The following ZNF281 variants were observed in gnomAD, a reference collection of about 807,000 sequenced individuals.
ZNF281 encodes the protein GC-box-binding zinc finger protein 1.
A neutral mutation model predicts 58.8 loss-of-function variants in ZNF281; 2 were observed. That is an observed-to-expected ratio of 0.03 (90% confidence interval 0.01 to 0.11). The LOEUF (loss-of-function observed/expected upper bound fraction) is 0.11, where lower values mean the gene tolerates loss of function less well. Among genes scored for constraint, ZNF281 ranks in the 10% least tolerant of loss-of-function variants. The pLI, the probability that ZNF281 is intolerant of heterozygous loss-of-function variation, is 1.00. For synonymous variants in ZNF281, 465 were observed against 407.7 expected (o/e 1.14, Z -1.69); for missense variants, 975 against 1,090.7 (o/e 0.89, Z 1.49).
Position 200,407,602 on chromosome 1 carries a change from G to A in ZNF281, c.2104C>T (p.His702Tyr). The stretch of plus-strand genomic sequence containing the variant: ...ATTTGTTTTTCTGGAAACAAAGTGT[G>A]GTTGTGGAGAGGTGAAGACAAACTG... ...FVSLSSPLHNHTLFPEKQIYT... is the reference protein window; with the variant it reads ...FVSLSSPLHNYTLFPEKQIYT... Residue 702 changes from histidine to tyrosine, a missense_variant, in exon 2 of 2, where the codon CAC becomes TAC. By Grantham distance (83) the His-to-Tyr change is moderately conservative. Transcript: ENST00000367353. 1 of 1,614,232 alleles carries A rather than the reference G, an allele frequency of 6.2e-7. No homozygotes were observed. Among genetic ancestry groups the A allele is most frequent in the South Asian group, 1.1e-5 (1 of 91,084 alleles).
chr1:200,405,549 A>C lies in ZNF281; in HGVS notation c.*1469T>G, dbSNP rs1654426374. 6.6e-6 allele frequency: 1 copy of C among 152,226 alleles called. No individual in the cohort carries two copies. The highest frequency in any genetic ancestry group is 6.5e-5 in the Admixed American group (1 of 15,288). The allele number at this position is 152,226 out of a possible 1,614,324, so 9.4% of individuals were successfully genotyped here. ...AGCATAAACATCAAAGTACATTAAA[A>C]AATATAATCAGGAAAAAAATACAAT... On this transcript the variant is annotated 3_prime_UTR_variant, in exon 2 of 2. Coordinates refer to ENST00000367353, the MANE Select transcript of ZNF281 (RefSeq NM_001281293.2).
In ZNF281 at chr1:200,407,596, A is replaced by T. The variant is rs1654488759; in HGVS notation, c.2110T>A (p.Leu704Met). 2 of 1,614,102 alleles carry T rather than the reference A, an allele frequency of 1.2e-6. No homozygotes were observed. Among genetic ancestry groups the T allele is most frequent in the South Asian group, 2.2e-5 (2 of 91,086 alleles). Reference sequence around the variant, plus strand: ...GTGTATATTTGTTTTTCTGGAAACAAAGTGTGGTTGTGGAGAGGTGAAGAC... The same window carrying T: ...GTGTATATTTGTTTTTCTGGAAACATAGTGTGGTTGTGGAGAGGTGAAGAC... ...SLSSPLHNHT[L>M]FPEKQIYTTS... is the part of the protein sequence containing the mutation. Residue 704 changes from leucine (L) to methionine (M), a missense_variant, in exon 2 of 2, where the codon TTG becomes ATG. Physicochemically the swap from Leu to Met is conservative, Grantham distance 15. Around this residue, in one of 3 missense-constraint regions of ZNF281, gnomAD observed 579 missense variants for 608.9 expected, o/e 0.95. Coordinates refer to ENST00000367353, the MANE Select transcript of ZNF281 (RefSeq NM_001281293.2).
rs757374249 is a variant in ZNF281, at chr1:200,407,092, T to C, written c.2614A>G (p.Thr872Ala). The C allele has an allele frequency of 2.5e-6, 4 of 1,614,184 alleles. No individual in the cohort carries two copies. Among genetic ancestry groups the C allele is most frequent in the Non-Finnish European group, 3.4e-6 (4 of 1,180,030 alleles). Residue 872 changes from threonine to alanine, a missense_variant, in exon 2 of 2, where the codon ACA becomes GCA. Around this residue, in one of 3 missense-constraint regions of ZNF281, gnomAD observed 579 missense variants for 608.9 expected, o/e 0.95. Transcript: ENST00000367353. ...RTSVSDFSGY[T>A]NMMSDVSEPC... Reference sequence around the variant, plus strand: ...TCACTTACATCAGACATCATATTTGTATACCCTGAGAAATCTGACACTGAA... The same window carrying C: ...TCACTTACATCAGACATCATATTTGCATACCCTGAGAAATCTGACACTGAA...
In ZNF281 at chr1:200,408,180, T is replaced by G. The variant is rs777947741; in HGVS notation, c.1526A>C (p.Asn509Thr). The change falls in exon 2 of 2, where the codon AAT (asparagine) becomes ACT (threonine). Residue 509 changes from asparagine (N) to threonine (T), a missense_variant. Asn to Thr is a moderately conservative substitution (Grantham distance 65, BLOSUM62 0). This residue lies in a region of ZNF281 where 579 missense variants were observed against 608.9 expected (regional missense o/e 0.95). Coordinates refer to ENST00000367353, the MANE Select transcript of ZNF281 (RefSeq NM_001281293.2). ...PSGSLGIVSN[N>T]SVETIGLLQS... ...GAGAAGACCAATGGTCTCCACACTA[T>G]TATTTGATACTATGCCAAGTGAGCC... 2 of 1,613,966 alleles carry G rather than the reference T, an allele frequency of 1.2e-6. No individual in the cohort carries two copies. The highest frequency in any genetic ancestry group is 1.7e-6 in the Non-Finnish European group (2 of 1,180,036).
Position 200,407,727 on chromosome 1 carries a change from T to C in ZNF281, c.1979A>G (p.Asp660Gly), listed in dbSNP as rs1654492269. The C allele has an allele frequency of 1.9e-6, 3 of 1,614,200 alleles. No individual in the cohort carries two copies. The highest frequency in any genetic ancestry group is 1.1e-5 in the South Asian group (1 of 91,088). Residue 660 changes from aspartate (D) to glycine (G), a missense_variant, in exon 2 of 2, where the codon GAT becomes GGT. By Grantham distance (94) the Asp-to-Gly change is moderately conservative (BLOSUM62 -1). Transcript: ENST00000367353. ...LSPGTQTPSN[D>G]KASMLQEYSK... ...GTATTCTTGCAACATACTTGCTTTA[T>C]CATTTGAAGGTGTTTGGGTGCCTGG...
chr1:200,409,603 T>TGCG lies in ZNF281; in HGVS notation c.102_103insCGC (p.Gly34_Ser35insArg). The TGCG allele has an allele frequency of 6.5e-7, 1 of 1,548,058 alleles. No homozygotes were observed. The highest frequency in any genetic ancestry group is 8.7e-7 in the Non-Finnish European group (1 of 1,146,596). On this transcript the variant is annotated inframe_insertion, in exon 2 of 2. Coordinates refer to ENST00000367353, the MANE Select transcript of ZNF281 (RefSeq NM_001281293.2). Reference sequence around the variant, plus strand: ...TCCATCTCTGCCCTCCTGCCGCTGCTGCCGCCGCCGCCGCCGCCGCCACTA... The same window carrying TGCG: ...TCCATCTCTGCCCTCCTGCCGCTGCTGCGGCCGCCGCCGCCGCCGCCGCCACTA...
Position 200,405,727 on chromosome 1 carries a change from A to G in ZNF281, c.*1291T>C, listed in dbSNP as rs1654430463. On this transcript the variant is annotated 3_prime_UTR_variant, in exon 2 of 2. Coordinates refer to ENST00000367353, the MANE Select transcript of ZNF281 (RefSeq NM_001281293.2). ...TGTACATTAAAGGCCGCAATTTCACAAAGAGGTTCTGATGTTATTACTATA... is the reference window on the plus strand; with the variant it reads ...TGTACATTAAAGGCCGCAATTTCACGAAGAGGTTCTGATGTTATTACTATA... 1 of 152,216 alleles carries G rather than the reference A, an allele frequency of 6.6e-6. No homozygotes were observed. Among genetic ancestry groups the G allele is most frequent in the African/African-American group, 2.4e-5 (1 of 41,460 alleles). 9.4% of individuals were successfully genotyped at this position (152,216 alleles called of 1,614,324 possible). A position where few individuals can be genotyped will look rare whatever the true frequency, so the allele number is the denominator to read the frequency against.
rs1211040911 is a variant in ZNF281 at position 200,405,583 on chromosome 1, A to G, written c.*1435T>C. 6.6e-6 allele frequency: 1 copy of G among 152,228 alleles called. No individual in the cohort carries two copies. Among genetic ancestry groups the G allele is most frequent in the Admixed American group, 6.5e-5 (1 of 15,290 alleles). 9.4% of individuals were successfully genotyped at this position (152,228 alleles called of 1,614,324 possible). A position where few individuals can be genotyped will look rare whatever the true frequency, so the allele number is the denominator to read the frequency against. ...CAGGAAAAAAATACAATTGCTAAAA[A>G]GCAGTTTTAGAGTAGAGCCACTGCC... On this transcript the variant is annotated 3_prime_UTR_variant, in exon 2 of 2. Transcript: ENST00000367353.
At position 200,409,332 on chromosome 1, in the gene ZNF281, A is replaced by G; in HGVS notation, c.374T>C (p.Val125Ala). Residue 125 changes from valine to alanine, a missense_variant, in exon 2 of 2, where the codon GTT becomes GCT. By Grantham distance (64) the Val-to-Ala change is moderately conservative. Around this residue, in one of 3 missense-constraint regions of ZNF281, gnomAD observed 370 missense variants for 360.9 expected, o/e 1.03. Transcript: ENST00000367353. ...RTSWGFLQSLVSIKQEKPADP... is the reference protein window; with the variant it reads ...RTSWGFLQSLASIKQEKPADP... ...CGCGGGTTTCTCCTGTTTGATGCTA[A>G]CCAAAGACTGCAAGAACCCCCAGGA... The G allele has an allele frequency of 1.3e-6, 2 of 1,576,290 alleles. No individual in the cohort carries two copies. Among genetic ancestry groups the G allele is most frequent in the Non-Finnish European group, 1.7e-6 (2 of 1,160,134 alleles).
chr1:200,408,345 C>G lies in ZNF281; in HGVS notation c.1361G>C (p.Gly454Ala). 1 of 1,613,826 alleles carries G rather than the reference C, an allele frequency of 6.2e-7. No homozygotes were observed. Among genetic ancestry groups the G allele is most frequent in the Non-Finnish European group, 8.5e-7 (1 of 1,180,016 alleles). ...VSSSGGIIGT[G>A]IDELQKRVPK... ...CACCCTCTTCTGCAGTTCATCTATT[C>G]CAGTGCCAATTATGCCTCCACTGGA... Residue 454 changes from glycine to alanine, a missense_variant, in exon 2 of 2, where the codon GGA becomes GCA. Physicochemically the swap from Gly to Ala is moderately conservative, Grantham distance 60. Transcript: ENST00000367353.
Position 200,406,825 on chromosome 1 carries a change from T to C in ZNF281, c.*193A>G. On this transcript the variant is annotated 3_prime_UTR_variant, in exon 2 of 2. Coordinates refer to ENST00000367353, the MANE Select transcript of ZNF281 (RefSeq NM_001281293.2). The stretch of plus-strand genomic sequence containing the variant: ...TGAATGTCAAACTATTTTTAATCTA[T>C]TGATTTTGATTAAAAATCATAATAC... 4.0e-6 allele frequency: 2 copies of C among 501,848 alleles called. No individual in the cohort carries two copies. Among genetic ancestry groups the C allele is most frequent in the Non-Finnish European group, 6.7e-6 (2 of 296,694 alleles). 31.1% of individuals were successfully genotyped at this position (501,848 alleles called of 1,614,324 possible). A position where few individuals can be genotyped will look rare whatever the true frequency, so the allele number is the denominator to read the frequency against.
At position 200,407,011 on chromosome 1, in the gene ZNF281, T is replaced by C. The variant is rs1425199419; in HGVS notation, c.*7A>G. 6.2e-7 allele frequency: 1 copy of C among 1,600,712 alleles called. No homozygotes were observed. The highest frequency in any genetic ancestry group is 8.5e-7 in the Non-Finnish European group (1 of 1,173,928). On this transcript the variant is annotated 3_prime_UTR_variant, in exon 2 of 2. Coordinates refer to ENST00000367353, the MANE Select transcript of ZNF281 (RefSeq NM_001281293.2). ...AGAAGACCTCCAGCCTGGCCACTTT[T>C]GGGACCTTACCTGTAACTCTGGCTG...
In ZNF281 at chr1:200,408,348, G is replaced by A. The variant is rs771896517; in HGVS notation, c.1358C>T (p.Thr453Ile). 1 of 1,613,814 alleles carries A rather than the reference G, an allele frequency of 6.2e-7. No individual in the cohort carries two copies. The change falls in exon 2 of 2, where the codon ACT becomes ATT. Residue 453 changes from threonine to isoleucine, a missense_variant. By Grantham distance (89) the Thr-to-Ile change is moderately conservative. Transcript: ENST00000367353. Reference sequence around the variant, plus strand: ...CCTCTTCTGCAGTTCATCTATTCCAGTGCCAATTATGCCTCCACTGGAAGA... The same window carrying A: ...CCTCTTCTGCAGTTCATCTATTCCAATGCCAATTATGCCTCCACTGGAAGA... The part of the protein sequence containing the change: ...TVSSSGGIIG[T>I]GIDELQKRVP...
In ZNF281 at chr1:200,407,111, C is replaced by G. The variant is rs113285043; in HGVS notation, c.2595G>C (p.Val865=). The change falls in exon 2 of 2, where the codon GTG becomes GTC. Residue 865 remains valine (V), a synonymous_variant. Transcript: ENST00000367353. ...GEVDHRVRTS[V]SDFSGYTNMM... ...TATTTGTATACCCTGAGAAATCTGACACTGAAGTCCTTACTCTATGGTCCA... is the reference window on the plus strand; with the variant it reads ...TATTTGTATACCCTGAGAAATCTGAGACTGAAGTCCTTACTCTATGGTCCA... 1,415 of 1,614,156 alleles carry G rather than the reference C, an allele frequency of 8.8e-4. 13 individuals are homozygous for G. The African/African-American group carries it at 0.016, about 18-fold the overall frequency.
At position 200,405,332 on chromosome 1, in the gene ZNF281, T is replaced by C. The variant is rs1654421406; in HGVS notation, c.*1686A>G. Reference sequence around the variant, plus strand: ...TAATACTTTGTAACCATTTTTAATATTTCTTATTTTCCAAACACTGCTTTT... The same window carrying C: ...TAATACTTTGTAACCATTTTTAATACTTCTTATTTTCCAAACACTGCTTTT... On this transcript the variant is annotated 3_prime_UTR_variant, in exon 2 of 2. Coordinates refer to ENST00000367353, the MANE Select transcript of ZNF281 (RefSeq NM_001281293.2). 1 of 152,228 alleles carries C rather than the reference T, an allele frequency of 6.6e-6. No individual in the cohort carries two copies. The highest frequency in any genetic ancestry group is 2.1e-4 in the South Asian group (1 of 4,836). 9.4% of individuals were successfully genotyped at this position (152,228 alleles called of 1,614,324 possible).
Position 200,407,481 on chromosome 1 carries a change from C to T in ZNF281, c.2225G>A (p.Gly742Glu). The part of the protein sequence containing the change: ...LPKPPFGMLF[G>E]SQPGLYLSAL... ...AGACAAATAAAGACCTGGCTGAGAT[C>T]CAAACAACATCCCAAAAGGAGGCTT... Residue 742 changes from glycine to glutamate, a missense_variant, in exon 2 of 2, where the codon GGA (glycine) becomes GAA (glutamate). By Grantham distance (98) the Gly-to-Glu change is moderately conservative (BLOSUM62 -2). Coordinates refer to ENST00000367353, the MANE Select transcript of ZNF281 (RefSeq NM_001281293.2). 5 of 1,614,130 alleles carry T rather than the reference C, an allele frequency of 3.1e-6. No homozygotes were observed. Among genetic ancestry groups the T allele is most frequent in the Non-Finnish European group, 4.2e-6 (5 of 1,180,032 alleles).
chr1:200,409,655 G>A lies in ZNF281; in HGVS notation c.51C>T (p.Ser17=). Residue 17 remains serine (S), a synonymous_variant, in exon 2 of 2, where the codon AGC becomes AGT. Transcript: ENST00000367353. ...CACCGCCGCCGGAGCCGCTACCACCGCTACTGCCGGTACCTCCGCCGCCAC... is the reference window on the plus strand; with the variant it reads ...CACCGCCGCCGGAGCCGCTACCACCACTACTGCCGGTACCTCCGCCGCCAC... The part of the protein sequence containing the change: ...FLSGGGGTGS[S]GGSGSGGGGS... The A allele has an allele frequency of 3.2e-6, 5 of 1,555,156 alleles. No homozygotes were observed. Among genetic ancestry groups the A allele is most frequent in the Non-Finnish European group, 4.3e-6 (5 of 1,152,746 alleles).
At position 200,409,572 on chromosome 1, in the gene ZNF281, G is replaced by T; in HGVS notation, c.134C>A (p.Thr45Asn). 6.5e-7 allele frequency: 1 copy of T among 1,549,590 alleles called. No homozygotes were observed. Among genetic ancestry groups the T allele is most frequent in the South Asian group, 1.2e-5 (1 of 84,046 alleles). ...SSGRRAEMEPTFPQGMVMFNH... is the reference protein window; with the variant it reads ...SSGRRAEMEPNFPQGMVMFNH... ...GAACATAACCATACCCTGGGGAAAG[G>T]TGGGTTCCATCTCTGCCCTCCTGCC... The change falls in exon 2 of 2, where the codon ACC becomes AAC. Residue 45 changes from threonine to asparagine, a missense_variant. Physicochemically the swap from Thr to Asn is moderately conservative, Grantham distance 65 (BLOSUM62 0). Transcript: ENST00000367353.
chr1:200,409,613 G>A lies in ZNF281; in HGVS notation c.93C>T (p.Gly31=), dbSNP rs1654563248. Residue 31 remains glycine, a synonymous_variant, in exon 2 of 2, where the codon GGC becomes GGT. Transcript: ENST00000367353. ...CCCTCCTGCCGCTGCTGCCGCCGCC[G>A]CCGCCGCCGCCACTACCACCGCCGC... The part of the protein sequence containing the change: ...GSGGGGSGGG[G]GGGSSGRRAE... 6.5e-7 allele frequency: 1 copy of A among 1,548,850 alleles called. No individual in the cohort carries two copies. Among genetic ancestry groups the A allele is most frequent in the Admixed American group, 2.0e-5 (1 of 51,058 alleles).
Sources: gnomAD v4.1 joint callset for allele counts on GRCh38, gnomAD v4.1.1 for gene constraint, gnomAD v4.1.1 regional missense constraint, MANE v1.5 for transcripts, NCBI Gene and HGNC (gene_info 2026-07-23, HGNC 2026-07-21) for gene names.